The following AKAP12 variants were observed in gnomAD, a reference collection of about 807,000 sequenced individuals.
AKAP12 encodes A-kinase anchoring protein 12.
In AKAP12, 32 loss-of-function variants were observed where a neutral mutation model predicts 79.9. The observed-to-expected ratio is 0.40, with a 90% CI of 0.30 to 0.54. The LOEUF is 0.54. AKAP12 is among the 20% of genes least tolerant of loss of function. The pLI is 0.48. For missense variants in AKAP12, 2,074 were observed against 2,177.0 expected, an observed-to-expected ratio of 0.95 and a Z score of 0.94; for synonymous variants, 808 against 857.0, an observed-to-expected ratio of 0.94 and a Z score of 1.00.
In AKAP12 at chr6:151,265,277, C is replaced by A. The variant is rs549723005; in HGVS notation, c.162+24553C>A. 2.6e-3 allele frequency among the ~76,000 whole-genome samples: 399 copies of A among 151,742 alleles called. 2 individuals carry two copies. Among genetic ancestry groups the A allele is most frequent in the Non-Finnish European group, 4.3e-3 (295 of 67,984 alleles). ...TAACTCACATACCATATAGTTTACCCCTTTAAAGTGTACAGGTCAGTGGGT... is the reference window on the plus strand; with the variant it reads ...TAACTCACATACCATATAGTTTACCACTTTAAAGTGTACAGGTCAGTGGGT... On this transcript the variant is annotated intron_variant, in intron 2 of 4. Transcript: ENST00000402676.
intron 3 of AKAP12, among the ~76,000 whole-genome samples, chr6:151,317,227 G>A (rs186472372): frequency 5.9e-5 from 9 of 152,300 alleles, no homozygotes; most frequent in African/African-American, 1.7e-4. Flanking sequence ...TTGAAGGTTT[G>A]CGGAGTTTTC....
intron 3 of AKAP12, among the ~76,000 whole-genome samples, chr6:151,318,017 C>T (rs1405346421): frequency 6.6e-6 from 1 of 152,212 alleles, no homozygotes; most frequent in East Asian, 1.9e-4. Context: ...GTAAGCTTAG[C>T]ATTATGGACT....
At chr6:151,337,388 G>A (rs222573) in intron 3 of AKAP12, among the ~76,000 whole-genome samples, 74,852 of 151,042 alleles carry the variant, frequency 0.5, 21,384 homozygotes, top group African/African-American at 0.79. Context: ...CGCGGCGGGC[G>A]CCTGTAATCC....
chr6:151,241,245 TTGGTACCCAGTCCTCC>T (rs1167169151), intron 2 of AKAP12, among the ~76,000 whole-genome samples: 1 of 152,190 alleles, frequency 6.6e-6, no homozygotes, highest in Non-Finnish European at 1.5e-5. Flanking sequence ...GCGAGCGGGT[TTGGTACCCAGTCCTCC>T]TGCGGCAGCG....
intron 3 of AKAP12, among the ~76,000 whole-genome samples, chr6:151,336,211 T>C (rs1469853185): frequency 6.6e-6 from 1 of 152,192 alleles, no homozygotes; most frequent in Non-Finnish European, 1.5e-5. Flanking sequence ...CTAGTGTGAA[T>C]AGTGCTGCAA....
intron 3 of AKAP12, chr6:151,324,987 T>A: frequency 1.0e-6 from 1 of 985,478 alleles, no homozygotes; most frequent in Non-Finnish European, 1.2e-6. Context: ...TCTAAAAAGT[T>A]AGCTAACTTC....
At chr6:151,277,108 C>T (rs898249100) in intron 2 of AKAP12, among the ~76,000 whole-genome samples, 1 of 152,184 alleles carries the variant, frequency 6.6e-6, no homozygotes, top group Non-Finnish European at 1.5e-5. Flanking sequence ...TCCATCCTTT[C>T]CTAGGTGTCA....
intron 2 of AKAP12, among the ~76,000 whole-genome samples, chr6:151,305,247 C>T (rs1211361560): frequency 6.6e-6 from 1 of 151,654 alleles, no homozygotes; most frequent in Non-Finnish European, 1.5e-5. Flanking sequence ...ATGTATGCCT[C>T]CTTCATGACA....
chr6:151,249,687 G>A (rs1582831546), intron 2 of AKAP12, among the ~76,000 whole-genome samples: 1 of 152,258 alleles, frequency 6.6e-6, no homozygotes, highest in African/African-American at 2.4e-5. Flanking sequence ...TGATTAAAAA[G>A]TTACCTCTTG....
chr6:151,307,066 GGTTC>G (rs1179854395), intron 3 of AKAP12, among the ~76,000 whole-genome samples: 1 of 152,234 alleles, frequency 6.6e-6, no homozygotes, highest in East Asian at 1.9e-4. Flanking sequence ...AGAGCTGCAG[GGTTC>G]AGGTGGAGCA....
chr6:151,323,306 T>TAC (rs1777444623), intron 3 of AKAP12, among the ~76,000 whole-genome samples: 1 of 152,208 alleles, frequency 6.6e-6, no homozygotes. Context: ...GTCCCAGCGC[T>TAC]TTGGGAGGCC....
chr6:151,297,334 T>C (rs1582863974), intron 2 of AKAP12, among the ~76,000 whole-genome samples: 1 of 151,916 alleles, frequency 6.6e-6, no homozygotes, highest in African/African-American at 2.4e-5. Context: ...CCCAGCACTT[T>C]GGGAGGCCGA....
intron 2 of AKAP12, among the ~76,000 whole-genome samples, chr6:151,302,761 A>C (rs910897558): frequency 6.6e-6 from 1 of 152,132 alleles, no homozygotes; most frequent in African/African-American, 2.4e-5. Context: ...GTGTATGTCA[A>C]CAGTTTCTAG....
At chr6:151,323,609 G>A in intron 3 of AKAP12, 1 of 691,330 alleles carries the variant, frequency 1.4e-6, no homozygotes, top group Non-Finnish European at 1.8e-6. Flanking sequence ...GTCATAAAAA[G>A]AAATGTTTCA....
chr6:151,287,973 C>G (rs2114732626), intron 2 of AKAP12, among the ~76,000 whole-genome samples: 1 of 151,450 alleles, frequency 6.6e-6, no homozygotes, highest in East Asian at 1.9e-4. Flanking sequence ...AACAGAAAAC[C>G]AAACACCACA....
chr6:151,259,775 G>A (rs1358785017), intron 2 of AKAP12, among the ~76,000 whole-genome samples: 1 of 151,374 alleles, frequency 6.6e-6, no homozygotes, highest in Non-Finnish European at 1.5e-5. Context: ...TGGGGTTTCA[G>A]CATGTTGCCC....
intron 3 of AKAP12, among the ~76,000 whole-genome samples, chr6:151,330,885 C>T (rs149118143): frequency 1.5e-3 from 225 of 152,284 alleles, no homozygotes; most frequent in African/African-American, 5.2e-3. Flanking sequence ...ATGGGGAACA[C>T]ATAGCCAGCA....
chr6:151,341,766 CT>C (rs746897427), intron 3 of AKAP12: 2 of 1,287,542 alleles, frequency 1.6e-6, no homozygotes, highest in Non-Finnish European at 1.0e-6. Flanking sequence ...CCAACTGTCC[CT>C]TAGGACCGGC....
chr6:151,309,489 T>A (rs1225076075), intron 3 of AKAP12, among the ~76,000 whole-genome samples: 3 of 151,922 alleles, frequency 2.0e-5, no homozygotes, highest in Admixed American at 1.3e-4. Flanking sequence ...AGAGGTGAAA[T>A]TTTTTTTCCC....
Sources: gnomAD v4.1 joint callset for allele counts (sites outside exome capture counted in the v4.1 genomes callset) on GRCh38, gnomAD v4.1.1 for gene constraint, MANE v1.5 for transcripts, NCBI Gene and HGNC (gene_info 2026-07-23, HGNC 2026-07-21) for gene names.